The following HNRNPA1 variants were observed in gnomAD, a reference collection of about 807,000 sequenced individuals.
The protein encoded by HNRNPA1 is heterogeneous nuclear ribonucleoprotein A1, also known as epididymis secretory sperm binding protein.
HNRNPA1 carries 7 observed loss-of-function variants against 44.4 expected under a neutral mutation model. The observed-to-expected ratio is 0.16, with a 90% CI of 0.09 to 0.30. The LOEUF (loss-of-function observed/expected upper bound fraction) is 0.30. HNRNPA1 is among the 10% of genes least tolerant of loss of function. HNRNPA1 has a pLI of 1.00. For missense variants in HNRNPA1, 193 were observed against 465.8 expected (o/e 0.41, Z 5.39); for synonymous variants, 169 against 160.6 (o/e 1.05, Z -0.40).
rs536130883 is a variant in HNRNPA1, at chr12:54,282,272, C to T, written c.462C>T (p.Asp154=). 3.6e-5 allele frequency: 58 copies of T among 1,613,448 alleles called. No homozygotes were observed. Among genetic ancestry groups the T allele is most frequent in the South Asian group, 3.3e-4 (30 of 91,086 alleles). The change falls in exon 4 of 11, where the codon GAC becomes GAT. Residue 154 remains aspartate, a synonymous_variant. Transcript: ENST00000340913. ...GGGGCTTTGCCTTTGTAACCTTTGA[C>T]GACCATGACTCCGTGGATAAGATTG... The part of the protein sequence containing the change: ...KKRGFAFVTF[D]DHDSVDKIVI...
rs1232627706 is a variant in HNRNPA1 at position 54,281,131 on chromosome 12, T to G, written c.16-255T>G. On this transcript the variant is annotated intron_variant, in intron 1 of 10. Coordinates refer to ENST00000340913, the MANE Select transcript of HNRNPA1 (RefSeq NM_031157.4). Reference sequence around the variant, plus strand: ...TTCTAAAGAGCGATTAGTCCCATTGTGGAGATGCACCCCTACCGCCCAAGC... The same window carrying G: ...TTCTAAAGAGCGATTAGTCCCATTGGGGAGATGCACCCCTACCGCCCAAGC... The G allele has an allele frequency of 7.1e-6, 5 of 700,062 alleles. No individual in the cohort carries two copies. In the South Asian group the frequency reaches 7.5e-5, roughly 10 times the overall value. 43.4% of individuals were successfully genotyped at this position (700,062 alleles called of 1,614,324 possible).
rs771735750 is a variant in HNRNPA1 at position 54,281,950 on chromosome 12, GT to G, written c.279+17del. 13 of 1,612,060 alleles carry G rather than the reference GT, an allele frequency of 8.1e-6. No homozygotes were observed. The African/African-American group carries it at 1.3e-4, about 17-fold the overall frequency. On this transcript the variant is annotated intron_variant, in intron 3 of 10. Coordinates refer to ENST00000340913, the MANE Select transcript of HNRNPA1 (RefSeq NM_031157.4). ...GAGCTGTCTCCAGAGAAGTGAGTGG[GT>G]TTTTTTTCTTCTTCTTCTTAAACTT...
At chr12:54,280,876 G>A in intron 1 of HNRNPA1, 54 bp downstream of exon 1, 1 of 1,594,208 alleles carries the variant, frequency 6.3e-7, no homozygotes. Flanking sequence ...TTCCTGAATC[G>A]GTAAGATGCT....
At chr12:54,284,434 A>T in intron 10 of HNRNPA1, 115 bp from the exon 11 acceptor site, 1 of 987,894 alleles carries the variant, frequency 1.0e-6, no homozygotes. Context: ...GTAATTGTGG[A>T]TATAAAGTTA....
chr12:54,282,516 G>T (rs1205822237), intron 5 of HNRNPA1, 30 bp downstream of exon 5: 1 of 1,610,596 alleles, frequency 6.2e-7, no homozygotes, highest in Admixed American at 1.7e-5. Context: ...AAACCTTAAA[G>T]GTAACTTTGA....
At position 54,286,823 on chromosome 12, in the gene HNRNPA1, C is replaced by G. The variant is rs895262572; in HGVS notation, c.*2279C>G. 2 of 152,182 alleles carry G rather than the reference C, an allele frequency of 1.3e-5. No individual in the cohort carries two copies. The highest frequency in any genetic ancestry group is 3.8e-4 in the East Asian group (2 of 5,196). The allele number at this position is 152,182 out of a possible 1,614,324, so 9.4% of individuals were successfully genotyped here. ...AGCTGTACCTTAAACCAAAACACTTCGTAATCTCATCCAATTGCAAAAAGA... is the reference window on the plus strand; with the variant it reads ...AGCTGTACCTTAAACCAAAACACTTGGTAATCTCATCCAATTGCAAAAAGA... On this transcript the variant is annotated 3_prime_UTR_variant, in exon 11 of 11. Transcript: ENST00000340913.
intron 2 of HNRNPA1, 72 bp from the exon 3 acceptor site, chr12:54,281,723 C>G: frequency 1.4e-6 from 2 of 1,469,004 alleles, no homozygotes; most frequent in South Asian, 2.5e-5. Flanking sequence ...TTCCTATTGC[C>G]CTATTCAAAG....
At chr12:54,283,375 A>C in intron 8 of HNRNPA1, 141 bp downstream of exon 8, 1 of 929,962 alleles carries the variant, frequency 1.1e-6, no homozygotes, top group Non-Finnish European at 1.6e-6. Context: ...ACCTCCTCCT[A>C]GCTTTAAGCT....
rs199853948 is a variant in HNRNPA1, at chr12:54,282,257, C to A, written c.447C>A (p.Ala149=). Residue 149 remains alanine (A), a synonymous_variant, in exon 4 of 11, where the codon GCC becomes GCA. Transcript: ENST00000340913. ...GCAGTGGCAAGAAAAGGGGCTTTGC[C>A]TTTGTAACCTTTGACGACCATGACT... ...DRGSGKKRGF[A]FVTFDDHDSV... The A allele has an allele frequency of 1.9e-6, 3 of 1,612,932 alleles. No homozygotes were observed. The highest frequency in any genetic ancestry group is 2.5e-6 in the Non-Finnish European group (3 of 1,179,980).
At position 54,282,870 on chromosome 12, in the gene HNRNPA1, T is replaced by C; in HGVS notation, c.747T>C (p.Asn249=). ...GSGDGYNGFG[N]DGGYGGGGPG... Reference sequence around the variant, plus strand: ...GGGATGGCTATAATGGATTTGGTAATGATGGTAAGTTTTTTAGGAATAAGT... The same window carrying C: ...GGGATGGCTATAATGGATTTGGTAACGATGGTAAGTTTTTTAGGAATAAGT... Residue 249 remains asparagine, a synonymous_variant, in exon 7 of 11, where the codon AAT becomes AAC. Coordinates refer to ENST00000340913, the MANE Select transcript of HNRNPA1 (RefSeq NM_031157.4). 3 of 1,550,300 alleles carry C rather than the reference T, an allele frequency of 1.9e-6. No homozygotes were observed. Among genetic ancestry groups the C allele is most frequent in the South Asian group, 1.2e-5 (1 of 83,930 alleles).
At chr12:54,280,957 A>C in intron 1 of HNRNPA1, 135 bp downstream of exon 1, 1 of 954,904 alleles carries the variant, frequency 1.0e-6, no homozygotes, top group Non-Finnish European at 1.7e-6. Context: ...ACCCCTCCCA[A>C]AGTTCAAGTC....
intron 2 of HNRNPA1, 119 bp from the exon 3 acceptor site, chr12:54,281,676 A>G: frequency 8.5e-7 from 1 of 1,176,436 alleles, no homozygotes; most frequent in Non-Finnish European, 1.2e-6. Context: ...GGGTAGTGGG[A>G]AACTGGACGA....
Position 54,286,492 on chromosome 12 carries a change from G to A in HNRNPA1, c.*1948G>A, listed in dbSNP as rs551845937. 6.6e-6 allele frequency: 1 copy of A among 152,084 alleles called. No individual in the cohort carries two copies. The highest frequency in any genetic ancestry group is 2.1e-4 in the South Asian group (1 of 4,818). 9.4% of individuals were successfully genotyped at this position (152,084 alleles called of 1,614,324 possible). A position where few individuals can be genotyped will look rare whatever the true frequency, so the allele number is the denominator to read the frequency against. On this transcript the variant is annotated 3_prime_UTR_variant, in exon 11 of 11. Coordinates refer to ENST00000340913, the MANE Select transcript of HNRNPA1 (RefSeq NM_031157.4). Reference sequence around the variant, plus strand: ...ATTTGTACTGTGAATATAAATTTTTGCCCTTTTATTTATCTTCCTTTGACC... The same window carrying A: ...ATTTGTACTGTGAATATAAATTTTTACCCTTTTATTTATCTTCCTTTGACC...
At position 54,287,054 on chromosome 12, in the gene HNRNPA1, G is replaced by T. The variant is rs200425263; in HGVS notation, c.*2510G>T. ...GCAGCTCAAATTCCATTTTGTGAAT[G>T]GGTTTTTTTTTTTAATAAACTGTAT... On this transcript the variant is annotated 3_prime_UTR_variant, in exon 11 of 11. Coordinates refer to ENST00000340913, the MANE Select transcript of HNRNPA1 (RefSeq NM_031157.4). The T allele has an allele frequency of 6.6e-6, 1 of 151,468 alleles. No individual in the cohort carries two copies. The highest frequency in any genetic ancestry group is 2.4e-5 in the African/African-American group (1 of 41,182). The allele number at this position is 151,468 out of a possible 1,614,324, so 9.4% of individuals were successfully genotyped here. A position where few individuals can be genotyped will look rare whatever the true frequency, so the allele number is the denominator to read the frequency against.
intron 1 of HNRNPA1, 46 bp from the exon 2 acceptor site, chr12:54,281,340 T>C: frequency 9.8e-7 from 1 of 1,025,120 alleles, no homozygotes; most frequent in South Asian, 1.3e-5. Flanking sequence ...ATGGAAATTG[T>C]TTCGTGTTGT....
chr12:54,282,755 C>T (rs369918141), intron 6 of HNRNPA1, 45 bp from the exon 7 acceptor site: 7 of 1,579,914 alleles, frequency 4.4e-6, no homozygotes, highest in Non-Finnish European at 6.0e-6. Context: ...CAGAATGTCA[C>T]TTTAAGTCCA....
chr12:54,284,334 T>C lies in HNRNPA1; in HGVS notation c.*4+17T>C. ...TTTAATTAGGTAAGTAAGCACCTTT[T>C]TGTGTGTTGACATAATTTTTTAAAT... On this transcript the variant is annotated intron_variant, in intron 10 of 10. Coordinates refer to ENST00000340913, the MANE Select transcript of HNRNPA1 (RefSeq NM_031157.4). 12 of 1,610,444 alleles carry C rather than the reference T, an allele frequency of 7.5e-6. No homozygotes were observed. Among genetic ancestry groups the C allele is most frequent in the Non-Finnish European group, 1.0e-5 (12 of 1,176,962 alleles).
At chr12:54,281,299 C>T in intron 1 of HNRNPA1, 87 bp from the exon 2 acceptor site, 2 of 774,100 alleles carry the variant, frequency 2.6e-6, no homozygotes, top group Non-Finnish European at 4.6e-6. Flanking sequence ...GTGCTAGGTA[C>T]ACAGTTGGTG....
rs1029175378 is a variant in HNRNPA1, at chr12:54,282,787, CTT to C, written c.677-9_677-8del. 15 of 1,555,784 alleles carry C rather than the reference CTT, an allele frequency of 9.6e-6. No individual in the cohort carries two copies. Among genetic ancestry groups the C allele is most frequent in the African/African-American group, 9.5e-5 (7 of 73,410 alleles). ...TCCAAGTCATACTTAAAACTTGAAACTTTTTCTTACAGGTGGCTTTGGTGGCA... is the reference window on the plus strand; with the variant it reads ...TCCAAGTCATACTTAAAACTTGAAACTTTCTTACAGGTGGCTTTGGTGGCA... On this transcript the variant is annotated splice_polypyrimidine_tract_variant and intron_variant, in intron 6 of 10. Coordinates refer to ENST00000340913, the MANE Select transcript of HNRNPA1 (RefSeq NM_031157.4).
Sources: allele counts gnomAD v4.1 joint callset, GRCh38; gene constraint gnomAD v4.1.1; transcripts MANE v1.5; gene names NCBI Gene and HGNC (gene_info 2026-07-23, HGNC 2026-07-21).